Variants in FSTL5 observed in about 807,000 individuals in gnomAD.
FSTL5 encodes follistatin-related protein 5.
In FSTL5, 62 loss-of-function variants were observed where a neutral mutation model predicts 89.1. The ratio of observed to expected loss-of-function variants is 0.70; its 90% CI spans 0.57 to 0.86. FSTL5 has a LOEUF of 0.86. FSTL5 is among the 40% of genes least tolerant of loss of function. The pLI, the probability that FSTL5 is intolerant of heterozygous loss-of-function variation, is 0.00. For synonymous variants in FSTL5, 383 were observed against 346.2 expected (o/e 1.11, Z -1.18); for missense variants, 1,057 against 1,001.6 (o/e 1.06, Z -0.75).
chr4:162,043,478 A>G (rs1371024037), intron 2 of FSTL5, among the ~76,000 whole-genome samples: 1 of 152,214 alleles, frequency 6.6e-6, no homozygotes, highest in African/African-American at 2.4e-5. Context: ...TCAGTGAGTC[A>G]CAAGTTTTTG....
At chr4:161,677,916 A>G (rs1177868033) in intron 6 of FSTL5, among the ~76,000 whole-genome samples, 1 of 151,812 alleles carries the variant, frequency 6.6e-6, no homozygotes, top group Non-Finnish European at 1.5e-5. Flanking sequence ...CCGTTCCACA[A>G]TGTATACATA....
At chr4:161,804,335 A>G (rs975502771) in intron 4 of FSTL5, among the ~76,000 whole-genome samples, 1 of 152,024 alleles carries the variant, frequency 6.6e-6, no homozygotes, top group Non-Finnish European at 1.5e-5. Context: ...TGATAAGGAC[A>G]TCTTTGGGAG....
chr4:161,424,223 T>A (rs1732094907), intron 15 of FSTL5, among the ~76,000 whole-genome samples: 1 of 151,206 alleles, frequency 6.6e-6, no homozygotes, highest in Admixed American at 6.6e-5. Flanking sequence ...GGAGGGGAAA[T>A]AGGTTTGTGC....
At chr4:161,424,545 G>A (rs1732107091) in intron 15 of FSTL5, among the ~76,000 whole-genome samples, 1 of 149,744 alleles carries the variant, frequency 6.7e-6, no homozygotes, top group African/African-American at 2.5e-5. Flanking sequence ...AAAAAAAAAT[G>A]GTTTTCTTTT....
At chr4:162,058,314 T>C (rs958427182) in intron 2 of FSTL5, among the ~76,000 whole-genome samples, 4 of 151,942 alleles carry the variant, frequency 2.6e-5, no homozygotes, top group South Asian at 2.1e-4. Context: ...TCTGGCCATA[T>C]AGGAAAGCAA....
At chr4:161,993,513 A>G (rs570943116) in intron 3 of FSTL5, among the ~76,000 whole-genome samples, 2 of 152,224 alleles carry the variant, frequency 1.3e-5, no homozygotes, top group East Asian at 3.9e-4. Flanking sequence ...TTTTTAATGG[A>G]TATGTGATAA....
intron 4 of FSTL5, among the ~76,000 whole-genome samples, chr4:161,915,212 G>T (rs1157230386): frequency 6.6e-6 from 1 of 152,000 alleles, no homozygotes; most frequent in African/African-American, 2.4e-5. Flanking sequence ...TTGTGAAATT[G>T]TTTTGAAATA....
intron 2 of FSTL5, among the ~76,000 whole-genome samples, chr4:162,039,276 A>T (rs942364718): frequency 6.6e-6 from 1 of 151,858 alleles, no homozygotes; most frequent in East Asian, 1.9e-4. Context: ...CCCTTTTAGT[A>T]TGGGAGTAAT....
intron 3 of FSTL5, among the ~76,000 whole-genome samples, chr4:162,015,688 C>T (rs1736896605): frequency 1.3e-5 from 2 of 152,178 alleles, no homozygotes; most frequent in Non-Finnish European, 2.9e-5. Flanking sequence ...AAATAACTAA[C>T]TAGTCATAAA....
intron 10 of FSTL5, among the ~76,000 whole-genome samples, chr4:161,533,439 GA>G (rs1731491529): frequency 6.6e-6 from 1 of 152,026 alleles, no homozygotes; most frequent in Admixed American, 6.6e-5. Context: ...AGACTATTAT[GA>G]ACACCTCTAT....
chr4:161,678,835 G>C (rs377114133), intron 6 of FSTL5, among the ~76,000 whole-genome samples: 1 of 151,740 alleles, frequency 6.6e-6, no homozygotes, highest in Non-Finnish European at 1.5e-5. Context: ...ATACCTGAGA[G>C]TGAAGTAAAT....
At chr4:161,458,864 T>C (rs17041092) in intron 14 of FSTL5, among the ~76,000 whole-genome samples, 34,264 of 152,154 alleles carry the variant, frequency 0.23, 4,571 homozygotes, top group East Asian at 0.48. Context: ...GGAGAAGGCC[T>C]TGAAGCTTTT....
intron 3 of FSTL5, among the ~76,000 whole-genome samples, chr4:161,945,576 A>G (rs998076999): frequency 4.6e-5 from 7 of 152,050 alleles, no homozygotes; most frequent in African/African-American, 1.7e-4. Context: ...ATATGGTAAA[A>G]CCCCATCTCT....
At chr4:161,537,604 A>C (rs1731669167) in intron 10 of FSTL5, among the ~76,000 whole-genome samples, 1 of 152,180 alleles carries the variant, frequency 6.6e-6, no homozygotes, top group South Asian at 2.1e-4. Context: ...CCAGGAGACA[A>C]TCAGACAACA....
At chr4:161,775,145 A>T (rs1375244643) in intron 5 of FSTL5, among the ~76,000 whole-genome samples, 1 of 152,146 alleles carries the variant, frequency 6.6e-6, no homozygotes, top group Non-Finnish European at 1.5e-5. Flanking sequence ...AATGAATAGC[A>T]TATTATAAAA....
At position 161,760,144 on chromosome 4, in the gene FSTL5, T is replaced by C. The variant is rs183711654; in HGVS notation, c.607-613A>G. Among the ~76,000 whole-genome samples, 447 of 152,358 alleles carry C rather than the reference T, an allele frequency of 2.9e-3. 4 individuals are homozygous for C. The highest frequency in any genetic ancestry group is 9.9e-3 in the African/African-American group (411 of 41,584). On this transcript the variant is annotated intron_variant, in intron 5 of 15. Transcript: ENST00000306100. ...ATAGAATTAATGCACCGATTGATGA[T>C]GAAAATCTATCCAGGCGTGAGTGAA...
At chr4:161,789,593 C>T (rs1373484497) in intron 4 of FSTL5, among the ~76,000 whole-genome samples, 1 of 152,020 alleles carries the variant, frequency 6.6e-6, no homozygotes, top group Non-Finnish European at 1.5e-5. Flanking sequence ...TGGCTTTTTG[C>T]CTTCTTTGAG....
At chr4:161,981,614 A>G (rs1315134851) in intron 3 of FSTL5, among the ~76,000 whole-genome samples, 1 of 152,100 alleles carries the variant, frequency 6.6e-6, no homozygotes. Flanking sequence ...TGTTTCCATA[A>G]TGACATATGA....
chr4:161,499,992 C>G, intron 12 of FSTL5, 24 bp downstream of exon 12: 1 of 1,410,502 alleles, frequency 7.1e-7, no homozygotes, highest in Non-Finnish European at 1.0e-6. Context: ...CATAAAACGT[C>G]AAAGGAACTT....
Sources: gnomAD v4.1 joint callset for allele counts (sites outside exome capture counted in the v4.1 genomes callset) on GRCh38, gnomAD v4.1.1 for gene constraint, MANE v1.5 for transcripts, NCBI Gene and HGNC (gene_info 2026-07-23, HGNC 2026-07-21) for gene names.